DNAI3: variants seen among roughly 807,000 people sequenced by gnomAD.
DNAI3 encodes the protein WD repeat domain 63.
A neutral mutation model predicts 115.5 loss-of-function variants in DNAI3; 83 were observed. The ratio of observed to expected loss-of-function variants is 0.72; its 90% CI spans 0.60 to 0.86. The LOEUF (loss-of-function observed/expected upper bound fraction) is 0.86, where lower values mean the gene tolerates loss of function less well. Among genes scored for constraint, DNAI3 ranks in the 40% least tolerant of loss-of-function variants. The pLI, the probability that DNAI3 is intolerant of heterozygous loss-of-function variation, is 0.00. For missense variants in DNAI3, 1,004 were observed against 1,075.8 expected, an observed-to-expected ratio of 0.93 and a Z score of 0.93; for synonymous variants, 320 against 347.0, an observed-to-expected ratio of 0.92 and a Z score of 0.86.
intron 15 of DNAI3, among the ~76,000 whole-genome samples, chr1:85,109,702 G>C (rs976706185): frequency 5.3e-5 from 8 of 152,146 alleles, no homozygotes; most frequent in African/African-American, 1.9e-4. Context: ...TTAACTGAAT[G>C]ATTTAGGGAA....
chr1:85,108,185 ATG>A lies in DNAI3; in HGVS notation c.1698+11_1698+12del, dbSNP rs778578336. The A allele has an allele frequency of 1.3e-6, 2 of 1,580,188 alleles. No individual in the cohort carries two copies. The highest frequency in any genetic ancestry group is 4.5e-5 in the East Asian group (2 of 44,348). ...TGGAAACCTCTCACTAAGGTAAGTA[ATG>A]TGGGGTTTTTAGTCCATCCTGCTTG... On this transcript the variant is annotated intron_variant, in intron 15 of 22. Coordinates refer to ENST00000294664, the MANE Select transcript of DNAI3 (RefSeq NM_145172.5).
rs553849449 is a variant in DNAI3, at chr1:85,069,702, C to A, written c.-14-2226C>A. Among the ~76,000 whole-genome samples the A allele has an allele frequency of 2.8e-3, 420 of 151,528 alleles. 3 individuals are homozygous for A. Among genetic ancestry groups the A allele is most frequent in the Non-Finnish European group, 4.8e-3 (327 of 67,864 alleles). ...ACATACTCCAGCCTGGGCGACAGAG[C>A]AAGACTCTGTCTTGGGGAAAAAAAG... On this transcript the variant is annotated intron_variant, in intron 1 of 22. Transcript: ENST00000294664.
At chr1:85,101,532 GGC>G in intron 13 of DNAI3, among the ~76,000 whole-genome samples, 1 of 152,016 alleles carries the variant, frequency 6.6e-6, no homozygotes, top group Non-Finnish European at 1.5e-5. Context: ...AGACCATCCT[GGC>G]TAACATGGTG....
At chr1:85,115,875 G>A (rs1392853027) in intron 16 of DNAI3, among the ~76,000 whole-genome samples, 3 of 152,312 alleles carry the variant, frequency 2.0e-5, no homozygotes, top group Middle Eastern at 6.8e-3. Context: ...CCTGCTGCTT[G>A]TCTCCTGCTG....
intron 3 of DNAI3, among the ~76,000 whole-genome samples, chr1:85,074,275 C>G (rs968875653): frequency 6.6e-6 from 1 of 152,182 alleles, no homozygotes; most frequent in East Asian, 1.9e-4. Context: ...GTCCATTTGG[C>G]GCACAGCAGC....
intron 3 of DNAI3, among the ~76,000 whole-genome samples, chr1:85,076,563 CA>C (rs1359828644): frequency 5.3e-5 from 8 of 152,140 alleles, no homozygotes; most frequent in Non-Finnish European, 1.0e-4. Flanking sequence ...TTCACAATCA[CA>C]GTGGAAGGTG....
chr1:85,132,764 G>C (rs1010492331), intron 22 of DNAI3, 91 bp from the exon 23 acceptor site: 13 of 1,496,986 alleles, frequency 8.7e-6, no homozygotes, highest in Non-Finnish European at 1.1e-5. Context: ...CAGCAGCCAG[G>C]TCAACTATTC....
intron 14 of DNAI3, among the ~76,000 whole-genome samples, chr1:85,105,239 A>C (rs1488397692): frequency 2.0e-5 from 3 of 152,184 alleles, no homozygotes; most frequent in Non-Finnish European, 2.9e-5. Context: ...TGTTAGTAGC[A>C]GCCATGGGCC....
chr1:85,072,069 A>T, intron 2 of DNAI3, 64 bp downstream of exon 2: 1 of 1,445,440 alleles, frequency 6.9e-7, no homozygotes, highest in Non-Finnish European at 9.5e-7. Context: ...TTAGCAGCAA[A>T]ATGATTATGG....
intron 3 of DNAI3, among the ~76,000 whole-genome samples, chr1:85,079,005 T>C (rs17120678): frequency 0.19 from 28,393 of 152,260 alleles, 2,781 homozygotes; most frequent in South Asian, 0.26. Flanking sequence ...GTCTTTCCAG[T>C]GTCAAGGATG....
intron 7 of DNAI3, among the ~76,000 whole-genome samples, chr1:85,088,284 T>C (rs535413444): frequency 6.6e-6 from 1 of 152,244 alleles, no homozygotes; most frequent in Admixed American, 6.5e-5. Context: ...ATATTGGCAG[T>C]GTTCCTACAT....
At chr1:85,088,719 T>C (rs1542427) in intron 7 of DNAI3, among the ~76,000 whole-genome samples, 119,079 of 152,090 alleles carry the variant, frequency 0.78, 46,811 homozygotes, top group Non-Finnish European at 0.81. Context: ...TAATTTAAAC[T>C]TGAAGCAATA....
intron 16 of DNAI3, among the ~76,000 whole-genome samples, chr1:85,116,492 T>C (rs1425091919): frequency 3.9e-5 from 6 of 152,268 alleles, no homozygotes; most frequent in Non-Finnish European, 7.3e-5. Context: ...AGATTCTCAA[T>C]GTATGTATAT....
rs903585844 is a variant in DNAI3 at position 85,082,183 on chromosome 1, G to A, written c.286-117G>A. On this transcript the variant is annotated intron_variant, in intron 4 of 22. Coordinates refer to ENST00000294664, the MANE Select transcript of DNAI3 (RefSeq NM_145172.5). ...ATTTGGTGTTATCAGCCATAGATTA[G>A]CACAATGGTTATCTTCTATAATTGG... The A allele has an allele frequency of 1.1e-5, 9 of 795,346 alleles. No homozygotes were observed. In the Admixed American group the frequency reaches 2.2e-4, roughly 20 times the overall value. The allele number at this position is 795,346 out of a possible 1,614,324, so 49.3% of individuals were successfully genotyped here. A position where few individuals can be genotyped will look rare whatever the true frequency, so the allele number is the denominator to read the frequency against.
intron 5 of DNAI3, among the ~76,000 whole-genome samples, chr1:85,084,102 T>C (rs1005681906): frequency 4.9e-5 from 7 of 142,442 alleles, no homozygotes; most frequent in Non-Finnish European, 9.1e-5. Flanking sequence ...TCCATTCCTC[T>C]ATTGATATTC....
At chr1:85,082,455 G>T in intron 5 of DNAI3, 51 bp downstream of exon 5, 2 of 1,487,142 alleles carry the variant, frequency 1.3e-6, no homozygotes, top group Non-Finnish European at 1.9e-6. Flanking sequence ...TGTGGTTGTG[G>T]TTGTTTTTGA....
At chr1:85,090,559 C>G (rs1229164649) in intron 8 of DNAI3, among the ~76,000 whole-genome samples, 3 of 152,144 alleles carry the variant, frequency 2.0e-5, no homozygotes, top group Admixed American at 6.5e-5. Context: ...ACTCCTCTTC[C>G]TCATTAACTT....
chr1:85,070,535 T>C (rs1463503338), intron 1 of DNAI3, among the ~76,000 whole-genome samples: 1 of 152,030 alleles, frequency 6.6e-6, no homozygotes, highest in African/African-American at 2.4e-5. Context: ...ATAGTAATAA[T>C]AAAATGTGGT....
In DNAI3 at chr1:85,093,565, T is replaced by A. The variant is rs774580083; in HGVS notation, c.965T>A (p.Leu322Gln). 5 of 1,614,048 alleles carry A rather than the reference T, an allele frequency of 3.1e-6. No homozygotes were observed. The highest frequency in any genetic ancestry group is 4.2e-6 in the Non-Finnish European group (5 of 1,180,022). Reference protein sequence around the residue: ...GTFGDKTDTHLKEYQSFTDLH... With the variant: ...GTFGDKTDTHQKEYQSFTDLH... The stretch of plus-strand genomic sequence containing the variant: ...TTTGGGGACAAGACCGATACCCACC[T>A]GAAAGAGTACCAGTCCTTTACCGAC... The change falls in exon 9 of 23, where the codon CTG becomes CAG. Residue 322 changes from leucine to glutamine, a missense_variant. Physicochemically the swap from Leu to Gln is moderately radical, Grantham distance 113. Transcript: ENST00000294664.
Sources: gnomAD v4.1 joint callset for allele counts (sites outside exome capture counted in the v4.1 genomes callset) on GRCh38, gnomAD v4.1.1 for gene constraint, MANE v1.5 for transcripts, NCBI Gene and HGNC (gene_info 2026-07-23, HGNC 2026-07-21) for gene names.